MYCBP2: variants seen among roughly 807,000 people sequenced by gnomAD.
The protein encoded by MYCBP2 is E3 ubiquitin-protein ligase MYCBP2.
Under a neutral mutation model 525.3 loss-of-function variants are expected in MYCBP2, and 120 were observed. The observed-to-expected ratio is 0.23, with a 90% CI of 0.20 to 0.27. The LOEUF is 0.27. Among genes scored for constraint, MYCBP2 ranks in the 10% least tolerant of loss-of-function variants. The pLI is 1.00. For missense variants in MYCBP2, 4,149 were observed against 5,657.1 expected (o/e 0.73, Z 8.55); for synonymous variants, 1,894 against 1,955.8 (o/e 0.97, Z 0.83).
At chr13:77,274,796 C>CA (rs1171578554) in intron 4 of MYCBP2, among the ~76,000 whole-genome samples, 1 of 152,090 alleles carries the variant, frequency 6.6e-6, no homozygotes, top group Non-Finnish European at 1.5e-5. Flanking sequence ...AATTTCAAAC[C>CA]AAAAATCTGA....
Position 77,089,035 on chromosome 13 carries a change from T to C in MYCBP2, c.10526-4A>G, listed in dbSNP as rs940000417. ...CTCAAAAGGGAAGAACCAACTTCTA[T>C]TAAAGAAAAAGAAAATTATTAATTT... On this transcript the variant is annotated splice_region_variant and splice_polypyrimidine_tract_variant and intron_variant, in intron 60 of 82. Transcript: ENST00000544440. 1.3e-6 allele frequency: 2 copies of C among 1,599,166 alleles called. No individual in the cohort carries two copies. Among genetic ancestry groups the C allele is most frequent in the Non-Finnish European group, 1.7e-6 (2 of 1,174,324 alleles).
At chr13:77,253,455 G>C (rs2071574707) in intron 14 of MYCBP2, among the ~76,000 whole-genome samples, 1 of 151,860 alleles carries the variant, frequency 6.6e-6, no homozygotes, top group Non-Finnish European at 1.5e-5. Context: ...ATAACTACTT[G>C]TAACAATATG....
chr13:77,240,006 A>C (rs2068568421), intron 17 of MYCBP2, among the ~76,000 whole-genome samples: 1 of 151,996 alleles, frequency 6.6e-6, no homozygotes, highest in Admixed American at 6.5e-5. Flanking sequence ...CTATAAACTC[A>C]CCTGTCAGGA....
At chr13:77,214,099 C>T (rs149252726) in intron 21 of MYCBP2, among the ~76,000 whole-genome samples, 19 of 152,300 alleles carry the variant, frequency 1.2e-4, no homozygotes, top group African/African-American at 4.6e-4. Flanking sequence ...ATCAGAGCAC[C>T]AACTAAAGGC....
chr13:77,135,312 GAAGT>G (rs1227079940), intron 52 of MYCBP2, among the ~76,000 whole-genome samples: 1 of 152,180 alleles, frequency 6.6e-6, no homozygotes, highest in Non-Finnish European at 1.5e-5. Context: ...TAAACGAACT[GAAGT>G]AAGAAGGGAG....
intron 15 of MYCBP2, among the ~76,000 whole-genome samples, chr13:77,250,885 T>C (rs2071088448): frequency 6.6e-6 from 1 of 152,160 alleles, no homozygotes; most frequent in Non-Finnish European, 1.5e-5. Context: ...CCCCAAGTCT[T>C]GAAAAACTTA....
chr13:77,175,403 C>A (rs375735068), intron 36 of MYCBP2, among the ~76,000 whole-genome samples: 1 of 151,910 alleles, frequency 6.6e-6, no homozygotes, highest in East Asian at 1.9e-4. Flanking sequence ...AGGAAAAAAG[C>A]TGTCCAAAAT....
At chr13:77,126,686 T>C (rs2154166980) in intron 52 of MYCBP2, 144 bp from the exon 53 acceptor site, 1 of 577,784 alleles carries the variant, frequency 1.7e-6, no homozygotes, top group South Asian at 2.7e-5. Flanking sequence ...GAAGAATTAG[T>C]CATTAGCACT....
chr13:77,245,376 T>C (rs547094099), intron 15 of MYCBP2, among the ~76,000 whole-genome samples: 59 of 151,948 alleles, frequency 3.9e-4, no homozygotes, highest in South Asian at 1.0e-3. Context: ...CAATGATAGG[T>C]TGGATAAAGA....
chr13:77,110,469 A>G (rs1307257886), intron 55 of MYCBP2, among the ~76,000 whole-genome samples: 4 of 152,194 alleles, frequency 2.6e-5, no homozygotes, highest in African/African-American at 9.6e-5. Context: ...ACAGCTGAAC[A>G]TAGACCCTCA....
chr13:77,317,938 A>AAACAT (rs71102740), intron 1 of MYCBP2, among the ~76,000 whole-genome samples: 12,406 of 131,972 alleles, frequency 0.094, 1,019 homozygotes, highest in East Asian at 0.13. Context: ...CTCCGTCTCA[A>AAACAT]AACATAACAT....
At chr13:77,137,196 G>C (rs1356999309) in intron 52 of MYCBP2, among the ~76,000 whole-genome samples, 1 of 152,170 alleles carries the variant, frequency 6.6e-6, no homozygotes, top group Non-Finnish European at 1.5e-5. Flanking sequence ...TTGTCTCTTG[G>C]ATGGGGTTCA....
chr13:77,251,129 A>G, intron 15 of MYCBP2, 22 bp downstream of exon 15: 1 of 1,607,398 alleles, frequency 6.2e-7, no homozygotes, highest in Non-Finnish European at 8.5e-7. Context: ...CATGTTCTTT[A>G]GTAGGAATCA....
intron 68 of MYCBP2, among the ~76,000 whole-genome samples, chr13:77,071,069 GAA>G (rs1370702803): frequency 6.6e-6 from 1 of 152,078 alleles, no homozygotes; most frequent in East Asian, 1.9e-4. Flanking sequence ...TGTTTAAAAG[GAA>G]AGTGTCCTAA....
chr13:77,118,361 A>G (rs2050131772), intron 55 of MYCBP2: 1 of 762,044 alleles, frequency 1.3e-6, no homozygotes, highest in African/African-American at 1.7e-5. Flanking sequence ...GGCTGCTGGA[A>G]GGAAAGGGGC....
rs144698035 is a variant in MYCBP2, at chr13:77,320,769, A to C, written c.302+5705T>G. On this transcript the variant is annotated intron_variant, in intron 1 of 82. Coordinates refer to ENST00000544440, the MANE Select transcript of MYCBP2 (RefSeq NM_015057.5). ...TGCAGTACCCAGCGCCATATACAAT[A>C]TTCTTGCTAAAAAATTTTCTAATGA... is the stretch of plus-strand genomic sequence containing the variant. Among the ~76,000 whole-genome samples, 1,239 of 152,292 alleles carry C rather than the reference A, an allele frequency of 8.1e-3. 22 individuals are homozygous for C. The highest frequency in any genetic ancestry group is 0.028 in the African/African-American group (1,183 of 41,532).
chr13:77,176,929 A>T (rs1185604451), intron 35 of MYCBP2, among the ~76,000 whole-genome samples: 2 of 152,150 alleles, frequency 1.3e-5, no homozygotes, highest in Non-Finnish European at 2.9e-5. Flanking sequence ...TAGTGAAAGG[A>T]ATCAAGTTAG....
chr13:77,077,581 C>T, intron 66 of MYCBP2, 194 bp from the exon 67 acceptor site: 1 of 608,666 alleles, frequency 1.6e-6, no homozygotes. Context: ...AGCTATTACA[C>T]AGATGAAGAA....
At chr13:77,163,556 C>T (rs1595039330) in intron 43 of MYCBP2, among the ~76,000 whole-genome samples, 3 of 152,214 alleles carry the variant, frequency 2.0e-5, no homozygotes, top group South Asian at 4.1e-4. Flanking sequence ...AGCATTTTTA[C>T]TTTCAACTTT....
Sources: gnomAD v4.1 joint callset for allele counts (sites outside exome capture counted in the v4.1 genomes callset) on GRCh38, gnomAD v4.1.1 for gene constraint, MANE v1.5 for transcripts, NCBI Gene and HGNC (gene_info 2026-07-23, HGNC 2026-07-21) for gene names.